EPHA7: variants seen among roughly 807,000 people sequenced by gnomAD.
The protein encoded by EPHA7 is EPH receptor A7, also known as ephrin type-A receptor 7.
Under a neutral mutation model 112.6 loss-of-function variants are expected in EPHA7, and 25 were observed. The observed-to-expected ratio is 0.22, with a 90% confidence interval of 0.16 to 0.31. The LOEUF is 0.31. Ranked by LOEUF, EPHA7 falls within the 10% of genes least tolerant of loss-of-function variation. The pLI is 1.00. For missense variants in EPHA7, 962 were observed against 1,212.6 expected, an observed-to-expected ratio of 0.79 and a Z score of 3.07; for synonymous variants, 437 against 406.5, an observed-to-expected ratio of 1.07 and a Z score of -0.90.
intron 5 of EPHA7, among the ~76,000 whole-genome samples, chr6:93,282,282 C>G (rs1289453932): frequency 2.0e-5 from 3 of 152,182 alleles, no homozygotes; most frequent in Non-Finnish European, 4.4e-5. Context: ...TCCTATTTAT[C>G]CATTTAAATA....
intron 7 of EPHA7, among the ~76,000 whole-genome samples, chr6:93,268,627 A>G (rs1200434746): frequency 6.6e-6 from 1 of 151,672 alleles, no homozygotes; most frequent in South Asian, 2.1e-4. Context: ...CAAAATATAG[A>G]AACATGTACT....
chr6:93,373,086 T>G (rs529771328), intron 3 of EPHA7, among the ~76,000 whole-genome samples: 209 of 152,118 alleles, frequency 1.4e-3, no homozygotes, highest in African/African-American at 4.8e-3. Flanking sequence ...GTTCAAATAT[T>G]TAATTGTGAT....
At chr6:93,335,444 A>T (rs1213833318) in intron 5 of EPHA7, among the ~76,000 whole-genome samples, 2 of 152,072 alleles carry the variant, frequency 1.3e-5, no homozygotes, top group African/African-American at 4.8e-5. Context: ...TTTATATTAT[A>T]ATTCCAAAGG....
At chr6:93,308,954 T>TC (rs1180111416) in intron 5 of EPHA7, among the ~76,000 whole-genome samples, 1 of 152,012 alleles carries the variant, frequency 6.6e-6, no homozygotes, top group East Asian at 1.9e-4. Context: ...TCAAACTTTT[T>TC]TTTTTTTTTT....
At position 93,402,955 on chromosome 6, in the gene EPHA7, T is replaced by C. The variant is rs548318205; in HGVS notation, c.832+7546A>G. 1.4e-4 allele frequency among the ~76,000 whole-genome samples: 21 copies of C among 152,040 alleles called. No homozygotes were observed. In the South Asian group the frequency reaches 1.9e-3, roughly 14 times the overall value. On this transcript the variant is annotated intron_variant, in intron 3 of 16. Transcript: ENST00000369303. ...TTCCTCAGAGAAGAAAAGGGAGAAA[T>C]TGAAAAGACACATAAAGACAGTAAG... is the stretch of plus-strand genomic sequence containing the variant.
chr6:93,275,718 C>T (rs188436040), intron 5 of EPHA7, among the ~76,000 whole-genome samples: 3 of 151,876 alleles, frequency 2.0e-5, no homozygotes, highest in Admixed American at 1.3e-4. Context: ...AGTCTAATGA[C>T]AGGCACAAAA....
At chr6:93,311,001 C>T (rs563805072) in intron 5 of EPHA7, among the ~76,000 whole-genome samples, 1 of 151,422 alleles carries the variant, frequency 6.6e-6, no homozygotes, top group East Asian at 2.0e-4. Flanking sequence ...GAGTGTCTTG[C>T]TACAGTGGTG....
chr6:93,378,938 A>G (rs1258487326), intron 3 of EPHA7, among the ~76,000 whole-genome samples: 1 of 152,136 alleles, frequency 6.6e-6, no homozygotes, highest in African/African-American at 2.4e-5. Context: ...ACTGTCAATT[A>G]CAATTTTCTA....
chr6:93,312,888 G>C (rs983168076), intron 5 of EPHA7, among the ~76,000 whole-genome samples: 2 of 152,094 alleles, frequency 1.3e-5, no homozygotes, highest in African/African-American at 4.8e-5. Flanking sequence ...AAAGCCCAAG[G>C]AGAGGGAGTG....
At chr6:93,384,258 C>T (rs1479889240) in intron 3 of EPHA7, among the ~76,000 whole-genome samples, 13 of 152,136 alleles carry the variant, frequency 8.5e-5, no homozygotes, top group Admixed American at 8.5e-4. Flanking sequence ...TCCCTTCTCT[C>T]CCATTTTCAG....
chr6:93,245,204 C>G, intron 16 of EPHA7, 94 bp downstream of exon 16: 1 of 1,201,810 alleles, frequency 8.3e-7, no homozygotes, highest in Non-Finnish European at 1.1e-6. Context: ...TTTTGGGATT[C>G]AAATTCTTTT....
intron 5 of EPHA7, among the ~76,000 whole-genome samples, chr6:93,332,962 G>T (rs989319564): frequency 4.0e-5 from 6 of 151,676 alleles, no homozygotes; most frequent in Non-Finnish European, 8.9e-5. Context: ...GTTGTTTGGT[G>T]TACAGATTAT....
At position 93,255,940 on chromosome 6, in the gene EPHA7, C is replaced by T. The variant is rs751194338; in HGVS notation, c.2270G>A (p.Arg757Lys). ...RYLADMGYVHRDLAARNILVN... is the reference protein window; with the variant it reads ...RYLADMGYVHKDLAARNILVN... ...AAGAATATTGCGAGCTGCAAGGTCC[C>T]TGTGAACATATCCCATATCAGCCAA... Residue 757 changes from arginine to lysine, a missense_variant, in exon 13 of 17, where the codon AGG (arginine) becomes AAG (lysine). Physicochemically the swap from Arg to Lys is conservative, Grantham distance 26 (BLOSUM62 2). Coordinates refer to ENST00000369303, the MANE Select transcript of EPHA7 (RefSeq NM_004440.4). 4 of 1,614,096 alleles carry T rather than the reference C, an allele frequency of 2.5e-6. No homozygotes were observed. Among genetic ancestry groups the T allele is most frequent in the Non-Finnish European group, 3.4e-6 (4 of 1,179,998 alleles).
chr6:93,316,670 T>C (rs1466501327), intron 5 of EPHA7, among the ~76,000 whole-genome samples: 2 of 152,168 alleles, frequency 1.3e-5, no homozygotes, highest in Non-Finnish European at 2.9e-5. Flanking sequence ...ACTTTCTATA[T>C]TAACTAGTAA....
chr6:93,264,775 G>C, intron 7 of EPHA7, 73 bp from the exon 8 acceptor site: 1 of 746,298 alleles, frequency 1.3e-6, no homozygotes, highest in Non-Finnish European at 2.1e-6. Flanking sequence ...TAAAATTAGA[G>C]TTATCTTTTC....
chr6:93,388,519 G>A lies in EPHA7; in HGVS notation c.832+21982C>T, dbSNP rs537189909. Among the ~76,000 whole-genome samples the A allele has an allele frequency of 1.4e-3, 208 of 152,104 alleles. 1 individual carries two copies. Among genetic ancestry groups the A allele is most frequent in the African/African-American group, 4.8e-3 (201 of 41,496 alleles). ...TTTACTCATTAGGTGAGTTAGGCAG[G>A]GTGCTATGTGAAGGATATAAAGAAA... On this transcript the variant is annotated intron_variant, in intron 3 of 16. Coordinates refer to ENST00000369303, the MANE Select transcript of EPHA7 (RefSeq NM_004440.4).
At chr6:93,402,145 T>C (rs1778462387) in intron 3 of EPHA7, among the ~76,000 whole-genome samples, 1 of 151,948 alleles carries the variant, frequency 6.6e-6, no homozygotes, top group African/African-American at 2.4e-5. Flanking sequence ...GAAAACTAAA[T>C]CAGACACATT....
In EPHA7 at chr6:93,406,277, T is replaced by C. The variant is rs551730281; in HGVS notation, c.832+4224A>G. On this transcript the variant is annotated intron_variant, in intron 3 of 16. Coordinates refer to ENST00000369303, the MANE Select transcript of EPHA7 (RefSeq NM_004440.4). ...CTGATATATGTGCATGTAAATCTTA[T>C]GTCTTTGAATTTTTTACTTCCAAAT... Among the ~76,000 whole-genome samples the C allele has an allele frequency of 1.6e-4, 24 of 151,818 alleles. No individual in the cohort carries two copies. The East Asian group carries it at 3.1e-3, about 20-fold the overall frequency.
intron 14 of EPHA7, among the ~76,000 whole-genome samples, chr6:93,251,252 G>A (rs392257): frequency 0.65 from 98,195 of 151,660 alleles, 32,835 homozygotes; most frequent in South Asian, 0.83. Flanking sequence ...ATGACTTTTA[G>A]AAGGAAAATG....
Sources: allele counts gnomAD v4.1 joint callset (sites outside exome capture counted in the v4.1 genomes callset), GRCh38; gene constraint gnomAD v4.1.1; transcripts MANE v1.5; gene names NCBI Gene and HGNC (gene_info 2026-07-23, HGNC 2026-07-21).